Variants in FZD3 observed in about 807,000 individuals in gnomAD.
FZD3 encodes the protein frizzled-3.
A neutral mutation model predicts 60.7 loss-of-function variants in FZD3; 30 were observed. The ratio of observed to expected loss-of-function variants is 0.49; its 90% CI spans 0.37 to 0.67. FZD3 has a LOEUF of 0.67. FZD3 is among the 30% of genes least tolerant of loss of function. FZD3 has a pLI of 0.00. For synonymous variants in FZD3, 246 were observed against 275.2 expected (o/e 0.89, Z 1.05); for missense variants, 605 against 838.7 (o/e 0.72, Z 3.44).
chr8:28,508,768 A>T (rs940977609), intron 3 of FZD3, among the ~76,000 whole-genome samples: 1 of 151,906 alleles, frequency 6.6e-6, no homozygotes, highest in Non-Finnish European at 1.5e-5. Context: ...CAAGCGATCC[A>T]CCTGCCTTGG....
At chr8:28,500,509 A>G (rs1431190986) in intron 2 of FZD3, among the ~76,000 whole-genome samples, 1 of 152,178 alleles carries the variant, frequency 6.6e-6, no homozygotes, top group African/African-American at 2.4e-5. Flanking sequence ...TTTAAATGAA[A>G]TTTTTGAAAT....
At chr8:28,547,298 G>A (rs937125073) in intron 5 of FZD3, among the ~76,000 whole-genome samples, 24 of 152,202 alleles carry the variant, frequency 1.6e-4, no homozygotes, top group African/African-American at 5.8e-4. Context: ...TGCCCTCATG[G>A]TATTCCATTG....
chr8:28,500,845 C>G (rs1222329059), intron 2 of FZD3, among the ~76,000 whole-genome samples: 1 of 152,134 alleles, frequency 6.6e-6, no homozygotes, highest in Non-Finnish European at 1.5e-5. Flanking sequence ...ACTGCAACCT[C>G]TGCCTCCCAG....
At chr8:28,543,508 G>A (rs1805222036) in intron 5 of FZD3, among the ~76,000 whole-genome samples, 1 of 152,072 alleles carries the variant, frequency 6.6e-6, no homozygotes, top group Admixed American at 6.6e-5. Context: ...AGCTTCCCGA[G>A]CAGCTGGGAT....
chr8:28,549,244 T>A (rs1324998432), intron 5 of FZD3, among the ~76,000 whole-genome samples: 1 of 152,152 alleles, frequency 6.6e-6, no homozygotes, highest in Non-Finnish European at 1.5e-5. Context: ...TAACCTTAAT[T>A]ACCTCTTTGA....
intron 2 of FZD3, among the ~76,000 whole-genome samples, chr8:28,501,468 C>T (rs1161023183): frequency 1.3e-5 from 2 of 152,204 alleles, no homozygotes; most frequent in African/African-American, 4.8e-5. Context: ...TCCTATTAGT[C>T]TGGGTCTTTG....
rs960894580 is a variant in FZD3 at position 28,555,718 on chromosome 8, C to G, written c.1554-20C>G. The G allele has an allele frequency of 7.3e-7, 1 of 1,371,682 alleles. No individual in the cohort carries two copies. The highest frequency in any genetic ancestry group is 1.7e-5 in the Admixed American group (1 of 59,532). The allele number at this position is 1,371,682 out of a possible 1,614,324, so 85.0% of individuals were successfully genotyped here. On this transcript the variant is annotated intron_variant, in intron 6 of 7. Coordinates refer to ENST00000240093, the MANE Select transcript of FZD3 (RefSeq NM_017412.4). ...AAGGAAGATTGGTATGTATCTTAAA[C>G]TTACTATTTTGTTGTCTAGGATAGT...
rs1409332556 is a variant in FZD3 at position 28,565,980 on chromosome 8, T to C, written c.*2969T>C. On this transcript the variant is annotated 3_prime_UTR_variant, in exon 8 of 8. Transcript: ENST00000240093. ...AAAGTACTTTGATTTCAGCAACTTT[T>C]TTTATTCAATAACTAGACAAAAGAT... is the stretch of plus-strand genomic sequence containing the variant. 1 of 152,194 alleles carries C rather than the reference T, an allele frequency of 6.6e-6. No homozygotes were observed. Among genetic ancestry groups the C allele is most frequent in the African/African-American group, 2.4e-5 (1 of 41,472 alleles). 9.4% of individuals were successfully genotyped at this position (152,194 alleles called of 1,614,324 possible).
intron 4 of FZD3, among the ~76,000 whole-genome samples, chr8:28,521,479 A>G (rs145134817): frequency 2.0e-5 from 3 of 152,238 alleles, no homozygotes; most frequent in African/African-American, 7.2e-5. Flanking sequence ...TTATGTATCT[A>G]TTATTATCTA....
At chr8:28,560,757 A>G (rs73559498) in intron 7 of FZD3, among the ~76,000 whole-genome samples, 364 of 152,316 alleles carry the variant, frequency 2.4e-3, no homozygotes, top group African/African-American at 8.3e-3. Context: ...CAGCCAAGTC[A>G]TATTTGGAAA....
intron 5 of FZD3, among the ~76,000 whole-genome samples, chr8:28,531,807 T>C (rs1219763487): frequency 1.3e-5 from 2 of 152,204 alleles, no homozygotes; most frequent in Non-Finnish European, 2.9e-5. Flanking sequence ...GTTTAAATAT[T>C]ATTGGTTTTC....
intron 1 of FZD3, among the ~76,000 whole-genome samples, chr8:28,495,489 T>C (rs755614833): frequency 2.6e-5 from 4 of 152,156 alleles, no homozygotes; most frequent in African/African-American, 9.7e-5. Flanking sequence ...CAATATGATA[T>C]GAGCAAGGAA....
Position 28,566,957 on chromosome 8 carries a change from C to G in FZD3, c.*3946C>G, listed in dbSNP as rs1039233077. The stretch of plus-strand genomic sequence containing the variant: ...AAATGAAATAGTATTTATTATAATG[C>G]TCTGTAACCCATAAATTATTCTACT... On this transcript the variant is annotated 3_prime_UTR_variant, in exon 8 of 8. Coordinates refer to ENST00000240093, the MANE Select transcript of FZD3 (RefSeq NM_017412.4). The G allele has an allele frequency of 6.6e-6, 1 of 152,050 alleles. No individual in the cohort carries two copies. Among genetic ancestry groups the G allele is most frequent in the South Asian group, 2.1e-4 (1 of 4,828 alleles). The allele number at this position is 152,050 out of a possible 1,614,324, so 9.4% of individuals were successfully genotyped here.
At chr8:28,541,548 A>G (rs959704673) in intron 5 of FZD3, among the ~76,000 whole-genome samples, 4 of 152,224 alleles carry the variant, frequency 2.6e-5, no homozygotes, top group Non-Finnish European at 5.9e-5. Flanking sequence ...AAGTTGGAAG[A>G]TAGGGTTTCT....
intron 5 of FZD3, among the ~76,000 whole-genome samples, chr8:28,534,538 G>GC (rs1431321555): frequency 6.6e-6 from 1 of 152,076 alleles, no homozygotes; most frequent in Non-Finnish European, 1.5e-5. Flanking sequence ...AGGTGACAGA[G>GC]CGAGACCCTA....
At chr8:28,498,344 C>T (rs941339731) in intron 1 of FZD3, among the ~76,000 whole-genome samples, 11 of 150,322 alleles carry the variant, frequency 7.3e-5, no homozygotes, top group Admixed American at 1.3e-4. Context: ...TCAGTAAGAA[C>T]GCCCCAAATG....
At chr8:28,546,131 A>T (rs370147690) in intron 5 of FZD3, among the ~76,000 whole-genome samples, 1 of 152,196 alleles carries the variant, frequency 6.6e-6, no homozygotes, top group African/African-American at 2.4e-5. Context: ...TATTCGCGCA[A>T]TGACAAAACT....
At chr8:28,548,072 C>G (rs1464409284) in intron 5 of FZD3, among the ~76,000 whole-genome samples, 1 of 151,956 alleles carries the variant, frequency 6.6e-6, no homozygotes, top group Non-Finnish European at 1.5e-5. Flanking sequence ...AGGCTGGTCT[C>G]GAACTCCTGA....
intron 3 of FZD3, among the ~76,000 whole-genome samples, chr8:28,516,628 A>G (rs1804434570): frequency 6.6e-6 from 1 of 151,982 alleles, no homozygotes; most frequent in Non-Finnish European, 1.5e-5. Flanking sequence ...ATTCCTATTT[A>G]TTATTTTTGA....
Sources: allele counts gnomAD v4.1 joint callset (sites outside exome capture counted in the v4.1 genomes callset), GRCh38; gene constraint gnomAD v4.1.1; transcripts MANE v1.5; gene names NCBI Gene and HGNC (gene_info 2026-07-23, HGNC 2026-07-21).